Variants in MACROD1 observed in about 807,000 individuals in gnomAD.
MACROD1 encodes the protein ADP-ribose glycohydrolase MACROD1.
Under a neutral mutation model 41.4 loss-of-function variants are expected in MACROD1, and 31 were observed. That is an observed-to-expected ratio of 0.75 (90% CI 0.56 to 1.01). The LOEUF (loss-of-function observed/expected upper bound fraction) is 1.01, where lower values mean the gene tolerates loss of function less well. Among genes scored for constraint, MACROD1 ranks in the 50% least tolerant of loss-of-function variants. The pLI, the probability that MACROD1 is intolerant of heterozygous loss-of-function variation, is 0.00. For missense variants in MACROD1, 473 were observed against 460.0 expected, an observed-to-expected ratio of 1.03 and a Z score of -0.26; for synonymous variants, 252 against 203.4, an observed-to-expected ratio of 1.24 and a Z score of -2.03.
chr11:64,021,315 G>A (rs1943149192), intron 3 of MACROD1, among the ~76,000 whole-genome samples: 1 of 152,198 alleles, frequency 6.6e-6, no homozygotes, highest in Non-Finnish European at 1.5e-5. Context: ...TGCTCCAAGG[G>A]CAGTGGCAGG....
At position 64,114,133 on chromosome 11, in the gene MACROD1, T is replaced by C. The variant is rs542224712; in HGVS notation, c.517+37106A>G. On this transcript the variant is annotated intron_variant, in intron 3 of 10. Transcript: ENST00000255681. ...ATGGATGGATGCAAGGACTGGTGCA[T>C]GCCTGAATGGATGAATGAACAAGTG... is the stretch of plus-strand genomic sequence containing the variant. Among the ~76,000 whole-genome samples, 288 of 147,454 alleles carry C rather than the reference T, an allele frequency of 2.0e-3. 2 individuals are homozygous for C. The highest frequency in any genetic ancestry group is 6.9e-3 in the African/African-American group (270 of 39,306).
At position 64,146,861 on chromosome 11, in the gene MACROD1, C is replaced by A. The variant is rs1312237918; in HGVS notation, c.517+4378G>T. 1.3e-5 allele frequency among the ~76,000 whole-genome samples: 2 copies of A among 150,998 alleles called. No homozygotes were observed. The highest frequency in any genetic ancestry group is 3.9e-4 in the East Asian group (2 of 5,162). ...CACACACTCTATCACACACACCCCACGCATCACACAAGCACAGACACAAAC... is the reference window on the plus strand; with the variant it reads ...CACACACTCTATCACACACACCCCAAGCATCACACAAGCACAGACACAAAC... On this transcript the variant is annotated intron_variant, in intron 3 of 10. Transcript: ENST00000255681. This position sits in a 1 kb window ranked among gnomAD's most constrained non-coding sequence, Gnocchi z 4.7.
At chr11:64,158,851 C>T (rs770832413) in intron 1 of MACROD1, among the ~76,000 whole-genome samples, 3 of 152,024 alleles carry the variant, frequency 2.0e-5, no homozygotes, top group Non-Finnish European at 4.4e-5. Context: ...AAAGGCACTC[C>T]CGGGGGGATA....
At chr11:64,038,750 ATATCAACCACC>A (rs1192360058) in intron 3 of MACROD1, among the ~76,000 whole-genome samples, 2 of 152,110 alleles carry the variant, frequency 1.3e-5, no homozygotes, top group African/African-American at 4.8e-5. Context: ...TCTGGAAATG[ATATCAACCACC>A]TAGTCATCCC....
chr11:64,006,237 T>G (rs1462666444), intron 4 of MACROD1, among the ~76,000 whole-genome samples: 1 of 152,244 alleles, frequency 6.6e-6, no homozygotes, highest in Non-Finnish European at 1.5e-5. Context: ...CTCCTCATTC[T>G]CCACCTCTGG....
Position 64,074,613 on chromosome 11 carries a change from T to C in MACROD1, c.518-59332A>G, listed in dbSNP as rs564263366. Among the ~76,000 whole-genome samples the C allele has an allele frequency of 3.3e-5, 5 of 152,278 alleles. No individual in the cohort carries two copies. In the East Asian group the frequency reaches 9.7e-4, roughly 29 times the overall value. On this transcript the variant is annotated intron_variant, in intron 3 of 10. Coordinates refer to ENST00000255681, the MANE Select transcript of MACROD1 (RefSeq NM_014067.4). ...TCCGTGGCAGCCCTTCTCCCATTGC[T>C]GAACTGGGCTTTCCCCAAGGGGGGC...
rs754260734 is a variant in MACROD1 at position 64,015,259 on chromosome 11, G to T, written c.540C>A (p.Gly180=). The T allele has an allele frequency of 2.5e-6, 4 of 1,604,516 alleles. No homozygotes were observed. The South Asian group carries it at 3.4e-5, about 14-fold the overall frequency. The change falls in exon 4 of 11, where the codon GGC becomes GGA. Residue 180 remains glycine (G), a synonymous_variant. Coordinates refer to ENST00000255681, the MANE Select transcript of MACROD1 (RefSeq NM_014067.4). ...VNAANSSLLG[G]GGVDGCIHRA... ...GACAGAAGGTCCACTCACCGCCACC[G>T]CCTCCGAGCAGGGAGCTGTTGGCTG... is the stretch of plus-strand genomic sequence containing the variant.
At chr11:64,017,481 G>A (rs1313300186) in intron 3 of MACROD1, among the ~76,000 whole-genome samples, 4 of 152,226 alleles carry the variant, frequency 2.6e-5, no homozygotes, top group South Asian at 4.1e-4. Flanking sequence ...GCCAAGCCAC[G>A]AAGCCAGCTG....
rs2134341238 is a variant in MACROD1, at chr11:64,015,251, C to A, written c.547+1G>T. On this transcript the variant is annotated splice_donor_variant, in intron 4 of 10. Transcript: ENST00000255681. LOFTEE classifies it high-confidence loss of function. ...CCCACCAAGACAGAAGGTCCACTCA[C>A]CGCCACCGCCTCCGAGCAGGGAGCT... is the stretch of plus-strand genomic sequence containing the variant. 3.7e-6 allele frequency: 6 copies of A among 1,603,034 alleles called. No homozygotes were observed. Among genetic ancestry groups the A allele is most frequent in the South Asian group, 1.1e-5 (1 of 88,880 alleles).
At chr11:64,042,496 G>T (rs1361898320) in intron 3 of MACROD1, among the ~76,000 whole-genome samples, 2 of 152,198 alleles carry the variant, frequency 1.3e-5, no homozygotes, top group African/African-American at 4.8e-5. Flanking sequence ...GTGATGGCCA[G>T]CCCTGCAGCG....
chr11:64,148,360 C>T (rs898868057), intron 3 of MACROD1, among the ~76,000 whole-genome samples: 1 of 152,208 alleles, frequency 6.6e-6, no homozygotes, highest in African/African-American at 2.4e-5. Context: ...CAGCCCCTCC[C>T]ATATGGCAGC....
chr11:64,129,284 ACTCATC>A (rs1291971998), intron 3 of MACROD1, among the ~76,000 whole-genome samples: 1 of 152,104 alleles, frequency 6.6e-6, no homozygotes, highest in Non-Finnish European at 1.5e-5. Flanking sequence ...CACATGTGCT[ACTCATC>A]CTCTCTGTGC....
chr11:64,116,447 C>T lies in MACROD1; in HGVS notation c.517+34792G>A, dbSNP rs749956699. On this transcript the variant is annotated intron_variant, in intron 3 of 10. Transcript: ENST00000255681. ...CCACCTGCCCCTCGGTGTGCCGCTGCGACAACGGCTTCATCTACTGCAACG... is the reference window on the plus strand; with the variant it reads ...CCACCTGCCCCTCGGTGTGCCGCTGTGACAACGGCTTCATCTACTGCAACG... 39 of 1,613,928 alleles carry T rather than the reference C, an allele frequency of 2.4e-5. No homozygotes were observed. Among genetic ancestry groups the T allele is most frequent in the Non-Finnish European group, 3.1e-5 (37 of 1,180,036 alleles).
rs183953883 is a variant in MACROD1 at position 64,015,326 on chromosome 11, C to T, written c.518-45G>A. 157 of 1,568,324 alleles carry T rather than the reference C, an allele frequency of 1.0e-4. No individual in the cohort carries two copies. The Middle Eastern group carries it at 1.9e-3, about 18-fold the overall frequency. On this transcript the variant is annotated intron_variant, in intron 3 of 10. Coordinates refer to ENST00000255681, the MANE Select transcript of MACROD1 (RefSeq NM_014067.4). ...AGGCAGATCAGTGGGGAAGGGGCTG[C>T]GGCGGGAGTATCAGCCTTGAGGGGA...
chr11:64,155,732 G>A (rs896280817), intron 1 of MACROD1, among the ~76,000 whole-genome samples: 1 of 152,180 alleles, frequency 6.6e-6, no homozygotes, highest in African/African-American at 2.4e-5. Flanking sequence ...GGGAGACCAA[G>A]GCAAGCCAAT....
intron 3 of MACROD1, among the ~76,000 whole-genome samples, chr11:64,087,969 G>C (rs941542628): frequency 6.6e-6 from 1 of 152,188 alleles, no homozygotes; most frequent in African/African-American, 2.4e-5. Context: ...AGCTGTTCGA[G>C]GGGCCAGAGC....
chr11:64,066,163 G>A (rs946203784), intron 3 of MACROD1, among the ~76,000 whole-genome samples: 1 of 151,924 alleles, frequency 6.6e-6, no homozygotes, highest in Non-Finnish European at 1.5e-5. Flanking sequence ...TGGGCATGGT[G>A]GTGGGCACCT....
At chr11:64,012,645 C>T (rs1044083744) in intron 4 of MACROD1, among the ~76,000 whole-genome samples, 2 of 152,190 alleles carry the variant, frequency 1.3e-5, no homozygotes, top group African/African-American at 4.8e-5. Flanking sequence ...GTGATCTGCC[C>T]ACTTCAGCCT....
intron 3 of MACROD1, among the ~76,000 whole-genome samples, chr11:64,019,614 C>T (rs1194548089): frequency 6.6e-6 from 1 of 152,240 alleles, no homozygotes; most frequent in Non-Finnish European, 1.5e-5. Context: ...CCATGCTCCA[C>T]ACAAAACATT....
Sources: gnomAD v4.1 joint callset for allele counts (sites outside exome capture counted in the v4.1 genomes callset) on GRCh38, gnomAD v4.1.1 for gene constraint, Gnocchi (gnomAD v3.1) non-coding constraint, MANE v1.5 for transcripts, NCBI Gene and HGNC (gene_info 2026-07-23, HGNC 2026-07-21) for gene names.